HPSE2: variants seen among roughly 807,000 people sequenced by gnomAD.
HPSE2 encodes the protein inactive heparanase-2.
In HPSE2, 38 loss-of-function variants were observed where a neutral mutation model predicts 60.5. The ratio of observed to expected loss-of-function variants is 0.63; its 90% CI spans 0.48 to 0.82. The LOEUF is 0.82. HPSE2 is among the 40% of genes least tolerant of loss of function. HPSE2 has a pLI of 0.00. For missense variants in HPSE2, 713 were observed against 740.4 expected, an observed-to-expected ratio of 0.96 and a Z score of 0.43; for synonymous variants, 295 against 293.2, an observed-to-expected ratio of 1.01 and a Z score of -0.06.
intron 7 of HPSE2, among the ~76,000 whole-genome samples, chr10:98,623,232 T>C (rs1474995607): frequency 6.6e-6 from 1 of 152,076 alleles, no homozygotes; most frequent in Non-Finnish European, 1.5e-5. Context: ...AGGCCGCATA[T>C]GATATGGTTC....
chr10:99,088,470 C>T (rs1182252639), intron 3 of HPSE2, among the ~76,000 whole-genome samples: 1 of 152,078 alleles, frequency 6.6e-6, no homozygotes, highest in African/African-American at 2.4e-5. Flanking sequence ...TTTTCCATTC[C>T]TTAGTTACTT....
At chr10:99,308,549 T>C in the HPSE2 span, among the ~76,000 whole-genome samples, 1 of 152,068 alleles carries the variant, frequency 6.6e-6, no homozygotes, top group Non-Finnish European at 1.5e-5. Flanking sequence ...TAACCCTTTT[T>C]CTGTTTGCCC....
intron 3 of HPSE2, among the ~76,000 whole-genome samples, chr10:98,989,338 C>T (rs1956461558): frequency 6.6e-6 from 1 of 152,122 alleles, no homozygotes. Context: ...GAGTTCATGT[C>T]CTTTGTAGGG....
At chr10:98,729,007 T>C (rs1235553607) in intron 4 of HPSE2, among the ~76,000 whole-genome samples, 2 of 151,094 alleles carry the variant, frequency 1.3e-5, no homozygotes, top group African/African-American at 2.5e-5. Flanking sequence ...GGGCCTTGTA[T>C]GAAACAAAAG....
chr10:98,889,340 G>A (rs1035242277), intron 3 of HPSE2, among the ~76,000 whole-genome samples: 1 of 151,054 alleles, frequency 6.6e-6, no homozygotes, highest in East Asian at 2.0e-4. Context: ...GTACCACCAC[G>A]CCTGGCTTTT....
At chr10:98,880,825 G>A (rs1953002551) in intron 3 of HPSE2, among the ~76,000 whole-genome samples, 1 of 151,960 alleles carries the variant, frequency 6.6e-6, no homozygotes, top group Admixed American at 6.6e-5. Flanking sequence ...TAAAAACAAA[G>A]AAGCAAAATC....
chr10:98,652,709 G>C (rs1440204019), intron 6 of HPSE2, among the ~76,000 whole-genome samples: 1 of 152,136 alleles, frequency 6.6e-6, no homozygotes, highest in Non-Finnish European at 1.5e-5. Context: ...ACCTTCATCT[G>C]TTCAGCCTTC....
rs1438154323 is a variant in HPSE2 at position 98,654,348 on chromosome 10, GCTATT to G, written c.1005-12413_1005-12409del. Among the ~76,000 whole-genome samples, 8 of 151,940 alleles carry G rather than the reference GCTATT, an allele frequency of 5.3e-5. No individual in the cohort carries two copies. In the East Asian group the frequency reaches 5.8e-4, roughly 11 times the overall value. On this transcript the variant is annotated intron_variant, in intron 6 of 11. Coordinates refer to ENST00000370552, the MANE Select transcript of HPSE2 (RefSeq NM_021828.5). Reference sequence around the variant, plus strand: ...TCTGTTTTCTCCTTCTTCTCCTTCTGCTATTCTAATTATGTGTACATTACACATTT... The same window carrying G: ...TCTGTTTTCTCCTTCTTCTCCTTCTGCTAATTATGTGTACATTACACATTT...
chr10:99,291,596 AAAAAAG>A, the HPSE2 span, among the ~76,000 whole-genome samples: 4 of 152,020 alleles, frequency 2.6e-5, no homozygotes, highest in Admixed American at 1.3e-4. Flanking sequence ...AAAAAAAAAA[AAAAAAG>A]AATCACCATA....
intron 3 of HPSE2, among the ~76,000 whole-genome samples, chr10:98,827,160 A>T (rs564792956): frequency 7.0e-4 from 105 of 150,194 alleles, no homozygotes; most frequent in African/African-American, 2.5e-3. Flanking sequence ...CTAAAAAAAA[A>T]TTTTTTTTTA....
chr10:98,708,472 A>T (rs1425212705), intron 5 of HPSE2, among the ~76,000 whole-genome samples: 4 of 147,934 alleles, frequency 2.7e-5, no homozygotes, highest in Non-Finnish European at 6.0e-5. Flanking sequence ...AAAAAAAAAA[A>T]TTCAATCCCA....
intron 9 of HPSE2, among the ~76,000 whole-genome samples, chr10:98,512,534 A>G (rs946202831): frequency 7.9e-5 from 12 of 152,056 alleles, no homozygotes; most frequent in South Asian, 2.1e-4. Flanking sequence ...GCAGTGAGCC[A>G]AGATCGCACC....
chr10:98,804,305 T>C (rs1950989750), intron 3 of HPSE2, among the ~76,000 whole-genome samples: 5 of 151,862 alleles, frequency 3.3e-5, no homozygotes. Flanking sequence ...TAAAACACTT[T>C]TGCACAGCAA....
At chr10:98,528,510 C>A (rs965962123) in intron 9 of HPSE2, among the ~76,000 whole-genome samples, 4 of 152,270 alleles carry the variant, frequency 2.6e-5, no homozygotes, top group South Asian at 4.1e-4. Context: ...GATCAACACT[C>A]ATTTCCCAGG....
At chr10:98,514,656 G>A (rs1942531208) in intron 9 of HPSE2, among the ~76,000 whole-genome samples, 1 of 148,912 alleles carries the variant, frequency 6.7e-6, no homozygotes, top group Non-Finnish European at 1.5e-5. Context: ...CCTCCTTCTG[G>A]TCACAGCATC....
intron 6 of HPSE2, among the ~76,000 whole-genome samples, chr10:98,675,539 TACACACACACACACAC>T (rs774393556): frequency 2.5e-5 from 3 of 121,594 alleles, no homozygotes; most frequent in Non-Finnish European, 3.6e-5. Context: ...GATCCCTGTC[TACACACACACACACAC>T]ACACACACAC....
intron 3 of HPSE2, among the ~76,000 whole-genome samples, chr10:99,065,532 T>C (rs531806924): frequency 6.6e-6 from 1 of 152,166 alleles, no homozygotes; most frequent in Admixed American, 6.5e-5. Flanking sequence ...TTGATATGAG[T>C]TGAACCAAAC....
intron 2 of HPSE2, among the ~76,000 whole-genome samples, chr10:99,158,818 T>C (rs1308869953): frequency 2.6e-5 from 4 of 152,024 alleles, no homozygotes; most frequent in Non-Finnish European, 5.9e-5. Flanking sequence ...GACTAGTCTT[T>C]TTAAGAATCT....
At chr10:99,032,071 A>AG (rs1227067681) in intron 3 of HPSE2, among the ~76,000 whole-genome samples, 1 of 152,216 alleles carries the variant, frequency 6.6e-6, no homozygotes, top group Non-Finnish European at 1.5e-5. Flanking sequence ...CTTAAATATA[A>AG]GCACAATAAT....
Sources: gnomAD v4.1 joint callset for allele counts (sites outside exome capture counted in the v4.1 genomes callset) on GRCh38, gnomAD v4.1.1 for gene constraint, MANE v1.5 for transcripts, NCBI Gene and HGNC (gene_info 2026-07-23, HGNC 2026-07-21) for gene names.